The following VAX1 variants were observed in gnomAD, a reference collection of about 807,000 sequenced individuals.
The protein encoded by VAX1 is ventral anterior homeobox 1.
In VAX1, 6 loss-of-function variants were observed where a neutral mutation model predicts 17.6. That is an observed-to-expected ratio of 0.34 (90% CI 0.19 to 0.67). The LOEUF is 0.67. Among genes scored for constraint, VAX1 ranks in the 30% least tolerant of loss-of-function variants. The pLI, the probability that VAX1 is intolerant of heterozygous loss-of-function variation, is 0.69. For synonymous variants in VAX1, 256 were observed against 227.4 expected (o/e 1.13, Z -1.13); for missense variants, 408 against 463.7 (o/e 0.88, Z 1.10).
downstream of VAX1, chr10:117,132,364 A>G: frequency 6.2e-7 from 1 of 1,610,572 alleles, no homozygotes; most frequent in African/African-American, 1.3e-5. The surrounding 1 kb of genome is among the most constrained non-coding windows in gnomAD (Gnocchi z 4.9). Flanking sequence ...TTTCACTCTC[A>G]CCACATAAAT....
rs1854208713 is a variant in VAX1 at position 117,137,764 on chromosome 10, G to A, written c.241+52C>T. Reference sequence around the variant, plus strand: ...TGTGTCGGCGGCAGCGCGCAGCTCCGGCCCCGGAGTCGACCCCAAAGAACG... The same window carrying A: ...TGTGTCGGCGGCAGCGCGCAGCTCCAGCCCCGGAGTCGACCCCAAAGAACG... On this transcript the variant is annotated intron_variant, in intron 1 of 2. Coordinates refer to ENST00000369206, the MANE Select transcript of VAX1 (RefSeq NM_001112704.2). This position sits in a 1 kb window ranked among gnomAD's most constrained non-coding sequence, Gnocchi z 7.4. 6.2e-7 allele frequency: 1 copy of A among 1,606,870 alleles called. No homozygotes were observed. Among genetic ancestry groups the A allele is most frequent in the Non-Finnish European group, 8.5e-7 (1 of 1,179,664 alleles).
At chr10:117,132,905 G>A (rs1403063778), downstream of VAX1, among the ~76,000 whole-genome samples, 1 of 152,210 alleles carries the variant, frequency 6.6e-6, no homozygotes, top group African/African-American at 2.4e-5. The surrounding 1 kb of genome is among the most constrained non-coding windows in gnomAD (Gnocchi z 4.9). Context: ...GAAGGGTTTT[G>A]TGAATCCGGG....
rs1021000913 is a variant in VAX1 at position 117,134,603 on chromosome 10, G to A, written c.430-20C>T. 12 of 1,506,792 alleles carry A rather than the reference G, an allele frequency of 8.0e-6. No individual in the cohort carries two copies. Among genetic ancestry groups the A allele is most frequent in the African/African-American group, 1.4e-5 (1 of 69,448 alleles). The allele number at this position is 1,506,792 out of a possible 1,614,324, so 93.3% of individuals were successfully genotyped here. On this transcript the variant is annotated intron_variant, in intron 2 of 2. Coordinates refer to ENST00000369206, the MANE Select transcript of VAX1 (RefSeq NM_001112704.2). The surrounding 1 kb of genome is among the most constrained non-coding windows in gnomAD (Gnocchi z 6.2). ...CTTCACCTGCGCGCCGGGGTGCGGG[G>A]AGAGTTGGAGAGAGGGGCAGGGAAG...
chr10:117,137,555 C>A lies in VAX1; in HGVS notation c.241+261G>T, dbSNP rs1395086246. On this transcript the variant is annotated intron_variant, in intron 1 of 2. Coordinates refer to ENST00000369206, the MANE Select transcript of VAX1 (RefSeq NM_001112704.2). The surrounding 1 kb of genome is among the most constrained non-coding windows in gnomAD (Gnocchi z 7.4). Reference sequence around the variant, plus strand: ...TCGGAGGCCGCAGCCCGATGCCCGGCCGCACCCGCGCAGCCCCTCATCTCC... The same window carrying A: ...TCGGAGGCCGCAGCCCGATGCCCGGACGCACCCGCGCAGCCCCTCATCTCC... 6.6e-6 allele frequency among the ~76,000 whole-genome samples: 1 copy of A among 152,212 alleles called. No homozygotes were observed. Among genetic ancestry groups the A allele is most frequent in the African/African-American group, 2.4e-5 (1 of 41,474 alleles).
At chr10:117,132,547 AT>A, downstream of VAX1, 4 of 1,543,198 alleles carry the variant, frequency 2.6e-6, no homozygotes, top group Non-Finnish European at 3.5e-6. The surrounding 1 kb of genome is among the most constrained non-coding windows in gnomAD (Gnocchi z 4.9). Flanking sequence ...TAAAATTACT[AT>A]TTTAAAAAAG....
At chr10:117,129,480 C>T (rs920099566), downstream of VAX1, 2 of 152,566 alleles carry the variant, frequency 1.3e-5, no homozygotes, top group African/African-American at 4.8e-5. Flanking sequence ...TAAAATCCTT[C>T]AAGAAATCTT....
chr10:117,137,917 G>C lies in VAX1; in HGVS notation c.140C>G (p.Pro47Arg), dbSNP rs1302620952. 1 of 1,613,888 alleles carries C rather than the reference G, an allele frequency of 6.2e-7. No homozygotes were observed. The highest frequency in any genetic ancestry group is 8.5e-7 in the Non-Finnish European group (1 of 1,179,982). ...GCCCGACGCTGAGAAGGCGCCCTGCGGCTCCTTGAGGAAGGCGGCTGGGAG... is the reference window on the plus strand; with the variant it reads ...GCCCGACGCTGAGAAGGCGCCCTGCCGCTCCTTGAGGAAGGCGGCTGGGAG... ...GNLPAAFLKE[P>R]QGAFSASGAA... The change falls in exon 1 of 3, where the codon CCG becomes CGG. Residue 47 changes from proline (P) to arginine (R), a missense_variant. Coordinates refer to ENST00000369206, the MANE Select transcript of VAX1 (RefSeq NM_001112704.2). This position sits in a 1 kb window ranked among gnomAD's most constrained non-coding sequence, Gnocchi z 7.4.
Position 117,133,635 on chromosome 10 carries a change from G to A in VAX1, c.*373C>T. The A allele has an allele frequency of 1.0e-6, 1 of 998,054 alleles. No individual in the cohort carries two copies. Among genetic ancestry groups the A allele is most frequent in the African/African-American group, 1.7e-5 (1 of 57,888 alleles). 61.8% of individuals were successfully genotyped at this position (998,054 alleles called of 1,614,324 possible). On this transcript the variant is annotated 3_prime_UTR_variant, in exon 3 of 3. Transcript: ENST00000369206. ...CTAGGAATAGTCGGCAGCGGCAGCA[G>A]CCGCAGCAGCCGCGGATCTAGAGCA... is the stretch of plus-strand genomic sequence containing the variant.
Position 117,137,847 on chromosome 10 carries a change from G to C in VAX1, c.210C>G (p.Asp70Glu), listed in dbSNP as rs773894040. ...CCAGGATCCGGCGGCAGTAATCCGG[G>C]TCCGCTGCGGAATTGGATTTACTTT... The part of the protein sequence containing the change: ...CNKSKSNSAA[D>E]PDYCRRILVR... The change falls in exon 1 of 3, where the codon GAC (aspartate) becomes GAG (glutamate). Residue 70 changes from aspartate to glutamate, a missense_variant. Physicochemically the swap from Asp to Glu is conservative, Grantham distance 45 (BLOSUM62 2). This residue lies in a region of VAX1 where 133 missense variants were observed against 112.0 expected (regional missense o/e 1.19). Coordinates refer to ENST00000369206, the MANE Select transcript of VAX1 (RefSeq NM_001112704.2). This position sits in a 1 kb window ranked among gnomAD's most constrained non-coding sequence, Gnocchi z 7.4. The C allele has an allele frequency of 5.0e-6, 8 of 1,613,008 alleles. No homozygotes were observed. The highest frequency in any genetic ancestry group is 2.7e-5 in the African/African-American group (2 of 74,894).
chr10:117,133,497 G>A lies in VAX1; in HGVS notation c.*511C>T. The A allele has an allele frequency of 2.0e-6, 2 of 985,588 alleles. No homozygotes were observed. Among genetic ancestry groups the A allele is most frequent in the Non-Finnish European group, 2.4e-6 (2 of 830,084 alleles). The allele number at this position is 985,588 out of a possible 1,614,324, so 61.1% of individuals were successfully genotyped here. ...GAGGTCCGCAAAGCGGGGCCCAGGG[G>A]CTCCCACAAGCCCTGGTTTCCCTGG... On this transcript the variant is annotated 3_prime_UTR_variant, in exon 3 of 3. Coordinates refer to ENST00000369206, the MANE Select transcript of VAX1 (RefSeq NM_001112704.2).
downstream of VAX1, chr10:117,132,561 T>G: frequency 1.3e-6 from 2 of 1,487,296 alleles, no homozygotes; most frequent in African/African-American, 1.4e-5. The surrounding 1 kb of genome is among the most constrained non-coding windows in gnomAD (Gnocchi z 4.9). Context: ...TAAAAAAGTG[T>G]TTTTCGCTTG....
rs1255210869 is a variant in VAX1 at position 117,134,254 on chromosome 10, G to A, written c.759C>T (p.Pro253=). The A allele has an allele frequency of 1.8e-5, 24 of 1,368,540 alleles. 1 individual carries two copies. In the South Asian group the frequency reaches 4.1e-4, roughly 23 times the overall value. The allele number at this position is 1,368,540 out of a possible 1,614,324, so 84.8% of individuals were successfully genotyped here. ...HPPAVGGAPG[P]GPAGPGGLHA... ...GCAATCCCCCCGGCCCGGCGGGCCC[G>A]GGACCTGGAGCACCGCCCACAGCCG... is the stretch of plus-strand genomic sequence containing the variant. Residue 253 remains proline (P), a synonymous_variant, in exon 3 of 3, where the codon CCC becomes CCT. Coordinates refer to ENST00000369206, the MANE Select transcript of VAX1 (RefSeq NM_001112704.2). This position sits in a 1 kb window ranked among gnomAD's most constrained non-coding sequence, Gnocchi z 6.2.
Position 117,133,343 on chromosome 10 carries a change from C to T in VAX1, c.*665G>A. 1.0e-6 allele frequency: 1 copy of T among 985,418 alleles called. No individual in the cohort carries two copies. Among genetic ancestry groups the T allele is most frequent in the South Asian group, 4.7e-5 (1 of 21,286 alleles). The allele number at this position is 985,418 out of a possible 1,614,324, so 61.0% of individuals were successfully genotyped here. Reference sequence around the variant, plus strand: ...CTGATTAGATCAAATTTATCAGTGTCGTTGCCTACTACGACGTTTGTTACT... The same window carrying T: ...CTGATTAGATCAAATTTATCAGTGTTGTTGCCTACTACGACGTTTGTTACT... On this transcript the variant is annotated 3_prime_UTR_variant, in exon 3 of 3. Coordinates refer to ENST00000369206, the MANE Select transcript of VAX1 (RefSeq NM_001112704.2).
intron 2 of VAX1, among the ~76,000 whole-genome samples, chr10:117,135,151 G>A (rs1854156051): frequency 6.6e-6 from 1 of 152,112 alleles, no homozygotes; most frequent in South Asian, 2.1e-4. Context: ...AGGCTACAAA[G>A]GACCATTTCC....
downstream of VAX1, chr10:117,132,057 C>A: frequency 1.4e-6 from 1 of 720,804 alleles, no homozygotes; most frequent in Non-Finnish European, 2.2e-6. The surrounding 1 kb of genome is among the most constrained non-coding windows in gnomAD (Gnocchi z 4.9). Flanking sequence ...TCTGAGGGGC[C>A]GACCTCAGAG....
downstream of VAX1, chr10:117,130,092 T>G (rs977302219): frequency 6.6e-5 from 10 of 152,000 alleles, no homozygotes; most frequent in Admixed American, 3.3e-4. Context: ...AGAAAAAAAC[T>G]GAAAGAAAGA....
intron 2 of VAX1, among the ~76,000 whole-genome samples, chr10:117,135,327 G>A (rs1401179636): frequency 6.6e-6 from 1 of 152,214 alleles, no homozygotes; most frequent in African/African-American, 2.4e-5. Flanking sequence ...ACTGGTCTGA[G>A]TCATGAACTT....
In VAX1 at chr10:117,137,096, C is replaced by T. The variant is rs751212355; in HGVS notation, c.242-437G>A. On this transcript the variant is annotated intron_variant, in intron 1 of 2. Coordinates refer to ENST00000369206, the MANE Select transcript of VAX1 (RefSeq NM_001112704.2). This position sits in a 1 kb window ranked among gnomAD's most constrained non-coding sequence, Gnocchi z 7.4. ...CACCCCCACCCTCGAGTCTCCTTCC[C>T]TCCGGAGTCCGCGCGGCGGAAGGAG... Among the ~76,000 whole-genome samples, 1 of 151,828 alleles carries T rather than the reference C, an allele frequency of 6.6e-6. No individual in the cohort carries two copies. The highest frequency in any genetic ancestry group is 1.5e-5 in the Non-Finnish European group (1 of 67,848).
downstream of VAX1, among the ~76,000 whole-genome samples, chr10:117,132,798 C>T (rs890518602): frequency 6.6e-6 from 1 of 152,156 alleles, no homozygotes; most frequent in African/African-American, 2.4e-5. The surrounding 1 kb of genome is among the most constrained non-coding windows in gnomAD (Gnocchi z 4.9). Flanking sequence ...ATCTGGACTC[C>T]GAGACTACTG....
Sources: allele counts gnomAD v4.1 joint callset (sites outside exome capture counted in the v4.1 genomes callset), GRCh38; gene constraint gnomAD v4.1.1; regional missense constraint gnomAD v4.1.1; non-coding constraint Gnocchi (gnomAD v3.1); transcripts MANE v1.5; gene names NCBI Gene and HGNC (gene_info 2026-07-23, HGNC 2026-07-21).